The following SSH1 variants were observed in gnomAD, a reference collection of about 807,000 sequenced individuals.
The protein encoded by SSH1 is slingshot protein phosphatase 1.
SSH1 carries 43 observed loss-of-function variants against 79.7 expected under a neutral mutation model. That is an observed-to-expected ratio of 0.54 (90% confidence interval 0.42 to 0.70). The LOEUF is 0.70. Ranked by LOEUF, SSH1 falls within the 30% of genes least tolerant of loss-of-function variation. The pLI, the probability that SSH1 is intolerant of heterozygous loss-of-function variation, is 0.00. For missense variants in SSH1, 1,206 were observed against 1,358.8 expected (o/e 0.89, Z 1.77); for synonymous variants, 599 against 538.3 (o/e 1.11, Z -1.56).
At chr12:108,808,007 G>A (rs1392070935) in intron 7 of SSH1, among the ~76,000 whole-genome samples, 180 bp from the exon 8 acceptor site, 3 of 152,110 alleles carry the variant, frequency 2.0e-5, no homozygotes, top group Admixed American at 6.5e-5. Flanking sequence ...GCACGTTCTC[G>A]GCCCAATGCA....
intron 13 of SSH1, among the ~76,000 whole-genome samples, chr12:108,797,449 C>T (rs1174248490): frequency 6.6e-6 from 1 of 152,194 alleles, no homozygotes; most frequent in East Asian, 1.9e-4. Context: ...TAAGAACACC[C>T]AACCCTGTGT....
In SSH1 at chr12:108,816,152, C is replaced by A. The variant is rs373712098; in HGVS notation, c.401+886G>T. Reference sequence around the variant, plus strand: ...CTGCCAGGTGCTCTCAACAGTCACCCCCTCCTGTGGTCTCACAAAACCCCA... The same window carrying A: ...CTGCCAGGTGCTCTCAACAGTCACCACCTCCTGTGGTCTCACAAAACCCCA... On this transcript the variant is annotated intron_variant, in intron 5 of 14. Coordinates refer to ENST00000326495, the MANE Select transcript of SSH1 (RefSeq NM_018984.4). 5.9e-5 allele frequency among the ~76,000 whole-genome samples: 9 copies of A among 152,256 alleles called. No homozygotes were observed. In the South Asian group the frequency reaches 1.0e-3, roughly 18 times the overall value.
At position 108,817,084 on chromosome 12, in the gene SSH1, T is replaced by C. The variant is rs1358373824; in HGVS notation, c.355A>G (p.Thr119Ala). The C allele has an allele frequency of 6.2e-7, 1 of 1,614,214 alleles. No homozygotes were observed. Among genetic ancestry groups the C allele is most frequent in the East Asian group, 2.2e-5 (1 of 44,876 alleles). ...VVVYSSGRQDTEENILLGVDF... is the reference protein window; with the variant it reads ...VVVYSSGRQDAEENILLGVDF... ...ACTCCCAGCAAGATATTCTCCTCGGTGTCCTGGCGCCCGCTGCTGTACACC... is the reference window on the plus strand; with the variant it reads ...ACTCCCAGCAAGATATTCTCCTCGGCGTCCTGGCGCCCGCTGCTGTACACC... Residue 119 changes from threonine (T) to alanine (A), a missense_variant, in exon 5 of 15, where the codon ACC becomes GCC. Thr to Ala is a moderately conservative substitution (Grantham distance 58, BLOSUM62 0). Coordinates refer to ENST00000326495, the MANE Select transcript of SSH1 (RefSeq NM_018984.4).
chr12:108,840,334 C>T (rs980680871), intron 2 of SSH1, among the ~76,000 whole-genome samples: 18 of 152,032 alleles, frequency 1.2e-4, no homozygotes, highest in Non-Finnish European at 2.6e-4. Context: ...GAATTCAAGA[C>T]CAGCCTGGCC....
chr12:108,804,735 G>A (rs2037189418), intron 10 of SSH1, among the ~76,000 whole-genome samples: 1 of 152,182 alleles, frequency 6.6e-6, no homozygotes, highest in Non-Finnish European at 1.5e-5. Flanking sequence ...AACTGGATGG[G>A]GCCTATGTGT....
chr12:108,794,243 G>C (rs573968028), intron 13 of SSH1, among the ~76,000 whole-genome samples: 1 of 152,354 alleles, frequency 6.6e-6, no homozygotes, highest in African/African-American at 2.4e-5. Flanking sequence ...AGGGAACCGG[G>C]AGAAAGTGCC....
intron 9 of SSH1, 52 bp downstream of exon 9, chr12:108,806,249 A>C: frequency 6.5e-7 from 1 of 1,529,052 alleles, no homozygotes; most frequent in Non-Finnish European, 9.1e-7. Flanking sequence ...GGAGCAGGAC[A>C]CATGGAGGCT....
intron 2 of SSH1, among the ~76,000 whole-genome samples, chr12:108,839,849 C>T (rs766830069): frequency 4.6e-5 from 7 of 152,072 alleles, no homozygotes; most frequent in Admixed American, 2.0e-4. Context: ...GGAACAAGTG[C>T]GGCAGGAAGG....
chr12:108,823,333 C>T lies in SSH1; in HGVS notation c.139G>A (p.Gly47Ser). 1 of 1,578,706 alleles carries T rather than the reference C, an allele frequency of 6.3e-7. No individual in the cohort carries two copies. The highest frequency in any genetic ancestry group is 8.6e-7 in the Non-Finnish European group (1 of 1,160,628). The change falls in exon 3 of 15, where the codon GGC becomes AGC. Residue 47 changes from glycine (G) to serine (S), a missense_variant. By Grantham distance (56) the Gly-to-Ser change is moderately conservative (BLOSUM62 0). Coordinates refer to ENST00000326495, the MANE Select transcript of SSH1 (RefSeq NM_018984.4). ...SLSESFFMVK[G>S]AALFLQQGSS... ...CCCTGTTGTAAGAAGAGGGCTGCGC[C>T]TTTCACCATGAAAAAGCTCTCACTT...
chr12:108,829,193 T>C (rs924773200), intron 2 of SSH1, among the ~76,000 whole-genome samples: 1 of 151,972 alleles, frequency 6.6e-6, no homozygotes, highest in Non-Finnish European at 1.5e-5. Context: ...CCAGGTGTGG[T>C]GGTGCATGCC....
In SSH1 at chr12:108,788,554, G is replaced by A; in HGVS notation, c.2584C>T (p.Pro862Ser). 6.3e-7 allele frequency: 1 copy of A among 1,587,814 alleles called. No individual in the cohort carries two copies. The highest frequency in any genetic ancestry group is 8.6e-7 in the Non-Finnish European group (1 of 1,165,550). ...EASIPEESQDPAALHELGPLV... is the reference protein window; with the variant it reads ...EASIPEESQDSAALHELGPLV... ...GGGCCCAGCTCGTGGAGCGCGGCTG[G>A]ATCCTGGCTCTCCTCGGGGATGCTG... is the stretch of plus-strand genomic sequence containing the variant. Residue 862 changes from proline (P) to serine (S), a missense_variant, in exon 15 of 15, where the codon CCA becomes TCA. By Grantham distance (74) the Pro-to-Ser change is moderately conservative (BLOSUM62 -1). This residue lies in a region of SSH1 where 709 missense variants were observed against 730.6 expected (regional missense o/e 0.97). Transcript: ENST00000326495.
intron 2 of SSH1, among the ~76,000 whole-genome samples, chr12:108,835,617 T>G (rs553354394): frequency 1.3e-4 from 20 of 148,978 alleles, no homozygotes; most frequent in Admixed American, 2.7e-4. Flanking sequence ...CTCAAAAAAG[T>G]CCACTTCTCC....
At position 108,784,175 on chromosome 12, in the gene SSH1, T is replaced by G. The variant is rs1041610337; in HGVS notation, c.*3813A>C. On this transcript the variant is annotated 3_prime_UTR_variant, in exon 15 of 15. Coordinates refer to ENST00000326495, the MANE Select transcript of SSH1 (RefSeq NM_018984.4). ...TAGAGAGAAAAGGTCCCCAGGAGAGTGGTAGGGAAATTCATCAACCTTCTA... is the reference window on the plus strand; with the variant it reads ...TAGAGAGAAAAGGTCCCCAGGAGAGGGGTAGGGAAATTCATCAACCTTCTA... 1.5e-4 allele frequency: 23 copies of G among 151,666 alleles called. No homozygotes were observed. Among genetic ancestry groups the G allele is most frequent in the African/African-American group, 5.6e-4 (23 of 41,164 alleles). The allele number at this position is 151,666 out of a possible 1,614,324, so 9.4% of individuals were successfully genotyped here. A position where few individuals can be genotyped will look rare whatever the true frequency, so the allele number is the denominator to read the frequency against.
intron 4 of SSH1, among the ~76,000 whole-genome samples, chr12:108,817,662 G>T (rs967773610): frequency 6.6e-6 from 1 of 152,166 alleles, no homozygotes; most frequent in African/African-American, 2.4e-5. Context: ...CAGGGACGCC[G>T]CCTGGCTCAG....
At chr12:108,835,118 A>C (rs1407527208) in intron 2 of SSH1, among the ~76,000 whole-genome samples, 1 of 152,172 alleles carries the variant, frequency 6.6e-6, no homozygotes, top group Non-Finnish European at 1.5e-5. Context: ...AGCTAGGCCT[A>C]TGACTTCTCT....
intron 13 of SSH1, among the ~76,000 whole-genome samples, chr12:108,797,764 T>C (rs1342315316): frequency 6.6e-6 from 1 of 152,192 alleles, no homozygotes; most frequent in Non-Finnish European, 1.5e-5. Context: ...GCTGCTTTCA[T>C]CACTCAGTAA....
intron 6 of SSH1, among the ~76,000 whole-genome samples, 188 bp from the exon 7 acceptor site, chr12:108,809,946 C>T (rs1175835708): frequency 6.6e-6 from 1 of 152,114 alleles, no homozygotes; most frequent in Non-Finnish European, 1.5e-5. Flanking sequence ...GAGACACATT[C>T]CCAGATGAGG....
At chr12:108,812,869 T>C (rs1300275499) in intron 5 of SSH1, among the ~76,000 whole-genome samples, 3 of 151,044 alleles carry the variant, frequency 2.0e-5, no homozygotes, top group Non-Finnish European at 4.4e-5. Flanking sequence ...CTTTTCTTTT[T>C]TTTTTTTTTT....
intron 2 of SSH1, among the ~76,000 whole-genome samples, chr12:108,838,742 C>T (rs1013105492): frequency 3.9e-5 from 6 of 152,218 alleles, no homozygotes; most frequent in Non-Finnish European, 8.8e-5. Flanking sequence ...TCCTTGTGAA[C>T]ACCACAGGTA....
Sources: allele counts gnomAD v4.1 joint callset (sites outside exome capture counted in the v4.1 genomes callset), GRCh38; gene constraint gnomAD v4.1.1; regional missense constraint gnomAD v4.1.1; transcripts MANE v1.5; gene names NCBI Gene and HGNC (gene_info 2026-07-23, HGNC 2026-07-21).